ZDHHC13: variants seen among roughly 807,000 people sequenced by gnomAD.
The protein encoded by ZDHHC13 is palmitoyltransferase ZDHHC13.
ZDHHC13 carries 85 observed loss-of-function variants against 86.0 expected under a neutral mutation model. The ratio of observed to expected loss-of-function variants is 0.99; its 90% confidence interval spans 0.83 to 1.18. ZDHHC13 has a LOEUF of 1.18. Among genes scored for constraint, ZDHHC13 ranks in the 50% most tolerant of loss-of-function variants. The probability of loss-of-function intolerance (pLI) is 0.00; values close to 1 mark genes in which losing one functional copy is unlikely to be tolerated. For missense variants in ZDHHC13, 711 were observed against 730.2 expected, an observed-to-expected ratio of 0.97 and a Z score of 0.30; for synonymous variants, 263 against 246.4, an observed-to-expected ratio of 1.07 and a Z score of -0.63.
intron 8 of ZDHHC13, among the ~76,000 whole-genome samples, chr11:19,154,455 A>G (rs565409568): frequency 6.6e-6 from 1 of 152,294 alleles, no homozygotes; most frequent in African/African-American, 2.4e-5. Context: ...ACTTAATGTC[A>G]TTTGAAATTA....
At chr11:19,149,968 A>G (rs1849566249) in intron 5 of ZDHHC13, among the ~76,000 whole-genome samples, 2 of 152,200 alleles carry the variant, frequency 1.3e-5, no homozygotes, top group Admixed American at 1.3e-4. Context: ...TTTCTCTCAG[A>G]CTTAGCTGAT....
At chr11:19,125,554 C>G (rs1206172442) in intron 1 of ZDHHC13, among the ~76,000 whole-genome samples, 1 of 152,098 alleles carries the variant, frequency 6.6e-6, no homozygotes, top group Non-Finnish European at 1.5e-5. Context: ...TTAGCAGTTT[C>G]TCATAAATTT....
rs56265624 is a variant in ZDHHC13, at chr11:19,122,160, G to A, written c.27+4884G>A. 3.1e-3 allele frequency among the ~76,000 whole-genome samples: 475 copies of A among 152,186 alleles called. 2 individuals are homozygous for A. The highest frequency in any genetic ancestry group is 0.011 in the African/African-American group (453 of 41,530). On this transcript the variant is annotated intron_variant, in intron 1 of 16. Coordinates refer to ENST00000446113, the MANE Select transcript of ZDHHC13 (RefSeq NM_019028.3). ...CTGGCGGCCAATTTCATATTGTCGT[G>A]GGTCATGTTATTGTAGGATTTGACA...
rs183894825 is a variant in ZDHHC13 at position 19,175,094 on chromosome 11, T to C, written c.1731-728T>C. Among the ~76,000 whole-genome samples, 16 of 152,046 alleles carry C rather than the reference T, an allele frequency of 1.1e-4. No individual in the cohort carries two copies. In the East Asian group the frequency reaches 2.7e-3, roughly 26 times the overall value. ...GAGAATTCATTTAGAGAGTTACTTA[T>C]AAGGTTTAGGGAGGCCGGGTGCGGT... On this transcript the variant is annotated intron_variant, in intron 16 of 16. Coordinates refer to ENST00000446113, the MANE Select transcript of ZDHHC13 (RefSeq NM_019028.3).
In ZDHHC13 at chr11:19,164,354, A is replaced by G; in HGVS notation, c.1287A>G (p.Thr429=). The part of the protein sequence containing the change: ...TGSLDFRTFC[T]SCLIRKPLRS... ...CTCTGGACTTCAGAACATTTTGTAC[A>G]TCATGTCTTGTGAGTTTTTTCATAT... The change falls in exon 12 of 17, where the codon ACA becomes ACG. Residue 429 remains threonine (T), a synonymous_variant. Transcript: ENST00000446113. 5 of 1,613,002 alleles carry G rather than the reference A, an allele frequency of 3.1e-6. No individual in the cohort carries two copies. Among genetic ancestry groups the G allele is most frequent in the Non-Finnish European group, 3.4e-6 (4 of 1,179,408 alleles).
At chr11:19,134,454 A>C (rs1849078005) in intron 1 of ZDHHC13, among the ~76,000 whole-genome samples, 1 of 152,238 alleles carries the variant, frequency 6.6e-6, no homozygotes, top group Non-Finnish European at 1.5e-5. Flanking sequence ...CTTGGAACCA[A>C]CTCAAATGCC....
intron 9 of ZDHHC13, 121 bp downstream of exon 9, chr11:19,156,050 C>T: frequency 8.1e-7 from 1 of 1,239,616 alleles, no homozygotes; most frequent in South Asian, 1.8e-5. Flanking sequence ...TACCATATAA[C>T]AGCATCCTGC....
intron 5 of ZDHHC13, 100 bp from the exon 6 acceptor site, chr11:19,150,627 A>G (rs1284599742): frequency 3.1e-6 from 3 of 982,756 alleles, no homozygotes; most frequent in Non-Finnish European, 4.6e-6. Flanking sequence ...ATGTAGAAAT[A>G]ATGGTAGTAT....
chr11:19,157,586 G>A (rs930121391), intron 9 of ZDHHC13, among the ~76,000 whole-genome samples: 1 of 152,190 alleles, frequency 6.6e-6, no homozygotes, highest in African/African-American at 2.4e-5. Flanking sequence ...TTGTGACTTA[G>A]AGATATTTAT....
chr11:19,175,116 C>T (rs563981818), intron 16 of ZDHHC13, among the ~76,000 whole-genome samples: 8 of 151,922 alleles, frequency 5.3e-5, no homozygotes, highest in Non-Finnish European at 7.4e-5. Context: ...AGGCCGGGTG[C>T]GGTGGCTCAT....
intron 10 of ZDHHC13, among the ~76,000 whole-genome samples, chr11:19,160,009 T>C (rs1849866382): frequency 6.6e-6 from 1 of 152,006 alleles, no homozygotes; most frequent in Non-Finnish European, 1.5e-5. Flanking sequence ...ACTTCCACAT[T>C]ACTTCTCTTT....
At chr11:19,150,401 G>A (rs970465754) in intron 5 of ZDHHC13, among the ~76,000 whole-genome samples, 13 of 152,062 alleles carry the variant, frequency 8.5e-5, no homozygotes, top group African/African-American at 2.9e-4. Flanking sequence ...GTCAACTAAG[G>A]TCTCAACTAG....
At chr11:19,172,936 C>G in intron 16 of ZDHHC13, 116 bp downstream of exon 16, 1 of 833,468 alleles carries the variant, frequency 1.2e-6, no homozygotes, top group Non-Finnish European at 1.8e-6. Flanking sequence ...CCATCTAGTA[C>G]AGTTGACCCC....
At chr11:19,123,732 G>A (rs1191514205) in intron 1 of ZDHHC13, among the ~76,000 whole-genome samples, 1 of 152,080 alleles carries the variant, frequency 6.6e-6, no homozygotes, top group Non-Finnish European at 1.5e-5. Context: ...AGTAGACTAT[G>A]AAAAGGCAAT....
At position 19,163,312 on chromosome 11, in the gene ZDHHC13, G is replaced by A. The variant is rs115205445; in HGVS notation, c.1118G>A (p.Gly373Glu). 2,931 of 1,585,354 alleles carry A rather than the reference G, an allele frequency of 1.8e-3. 36 individuals are homozygous for A. In the African/African-American group the frequency reaches 0.035, roughly 19 times the overall value. The change falls in exon 11 of 17, where the codon GGA becomes GAA. Residue 373 changes from glycine to glutamate, a missense_variant. Transcript: ENST00000446113. ...WFILFFPDLA[G>E]APFYFSFIFS... ...TTAACTTGGCTTTAACATTTAGCAG[G>A]AGCCCCTTTCTATTTCAGTTTCATT...
In ZDHHC13 at chr11:19,117,307, G is replaced by C. The variant is rs1039745169; in HGVS notation, c.27+31G>C. ...TGCGGCCGGGCGGTGGCTGTCCTGG[G>C]GGCCGGGAGAGCGGCTGCAGCTGTG... On this transcript the variant is annotated intron_variant, in intron 1 of 16. Transcript: ENST00000446113. This position sits in a 1 kb window ranked among gnomAD's most constrained non-coding sequence, Gnocchi z 4.2. 6.9e-7 allele frequency: 1 copy of C among 1,452,082 alleles called. No homozygotes were observed. Among genetic ancestry groups the C allele is most frequent in the Non-Finnish European group, 9.1e-7 (1 of 1,102,406 alleles). 89.9% of individuals were successfully genotyped at this position (1,452,082 alleles called of 1,614,324 possible).
chr11:19,156,159 A>C (rs1010379846), intron 9 of ZDHHC13, among the ~76,000 whole-genome samples: 1 of 152,148 alleles, frequency 6.6e-6, no homozygotes, highest in Admixed American at 6.5e-5. Flanking sequence ...GTGGAAAATA[A>C]ATATCCTGGG....
rs138871777 is a variant in ZDHHC13, at chr11:19,135,118, C to T, written c.28-7860C>T. ...TCTGGTCTACAGCTCCCAGCGCGAG[C>T]GACGCAGAAGACGGGTGATTTCTGC... On this transcript the variant is annotated intron_variant, in intron 1 of 16. Transcript: ENST00000446113. Among the ~76,000 whole-genome samples, 626 of 152,312 alleles carry T rather than the reference C, an allele frequency of 4.1e-3. 3 individuals are homozygous for T. The highest frequency in any genetic ancestry group is 0.014 in the African/African-American group (590 of 41,572).
chr11:19,132,960 A>G (rs1849035408), intron 1 of ZDHHC13, among the ~76,000 whole-genome samples: 1 of 152,212 alleles, frequency 6.6e-6, no homozygotes, highest in Non-Finnish European at 1.5e-5. Context: ...AACTTAACAT[A>G]TAGCCAACAA....
Sources: allele counts gnomAD v4.1 joint callset (sites outside exome capture counted in the v4.1 genomes callset), GRCh38; gene constraint gnomAD v4.1.1; non-coding constraint Gnocchi (gnomAD v3.1); transcripts MANE v1.5; gene names NCBI Gene and HGNC (gene_info 2026-07-23, HGNC 2026-07-21).